The following PDZRN3 variants were observed in gnomAD, a reference collection of about 807,000 sequenced individuals.
The protein encoded by PDZRN3 is E3 ubiquitin-protein ligase PDZRN3.
In PDZRN3, 38 loss-of-function variants were observed where a neutral mutation model predicts 85.7. The ratio of observed to expected loss-of-function variants is 0.44; its 90% CI spans 0.34 to 0.58. The LOEUF is 0.58. Ranked by LOEUF, PDZRN3 falls within the 20% of genes least tolerant of loss-of-function variation. The probability of loss-of-function intolerance (pLI) is 0.01; values close to 1 mark genes in which losing one functional copy is unlikely to be tolerated. For missense variants in PDZRN3, 1,629 were observed against 1,506.4 expected, an observed-to-expected ratio of 1.08 and a Z score of -1.35; for synonymous variants, 759 against 638.0, an observed-to-expected ratio of 1.19 and a Z score of -2.86.
At chr3:73,592,639 G>A (rs1309992748) in intron 3 of PDZRN3, among the ~76,000 whole-genome samples, 2 of 152,124 alleles carry the variant, frequency 1.3e-5, no homozygotes, top group Non-Finnish European at 2.9e-5. Flanking sequence ...GAGCACTGTG[G>A]CACTTGGCAT....
At chr3:73,562,999 ATATATATATATATAT>A (rs1186572904) in intron 3 of PDZRN3, among the ~76,000 whole-genome samples, 2 of 32,684 alleles carry the variant, frequency 6.1e-5, no homozygotes, top group African/African-American at 2.6e-4. Flanking sequence ...ATATATATAT[ATATATATATATATAT>A]TTTTTTTTTT....
At chr3:73,510,369 A>G (rs1559715471) in intron 3 of PDZRN3, among the ~76,000 whole-genome samples, 1 of 152,238 alleles carries the variant, frequency 6.6e-6, no homozygotes, top group Non-Finnish European at 1.5e-5. Flanking sequence ...GAGAAGAAAC[A>G]CTAGCACATA....
chr3:73,431,519 T>C (rs143394855), intron 3 of PDZRN3, among the ~76,000 whole-genome samples: 21 of 152,332 alleles, frequency 1.4e-4, no homozygotes, highest in African/African-American at 5.1e-4. Flanking sequence ...TTCTCTGCCC[T>C]AATAAGGCTT....
At chr3:73,486,862 T>C (rs1162518699) in intron 3 of PDZRN3, among the ~76,000 whole-genome samples, 2 of 152,230 alleles carry the variant, frequency 1.3e-5, no homozygotes, top group Admixed American at 6.5e-5. Context: ...AAACTGATTA[T>C]TTGGAAAGGA....
Position 73,533,606 on chromosome 3 carries a change from C to T in PDZRN3, c.918+68748G>A, listed in dbSNP as rs80170687. On this transcript the variant is annotated intron_variant, in intron 3 of 9. Transcript: ENST00000263666. ...TAGGGGATTATGTTGGGAACGTATCCCATATAAGAAACAGATTATCCACCA... is the reference window on the plus strand; with the variant it reads ...TAGGGGATTATGTTGGGAACGTATCTCATATAAGAAACAGATTATCCACCA... Among the ~76,000 whole-genome samples, 135 of 151,812 alleles carry T rather than the reference C, an allele frequency of 8.9e-4. 1 individual carries two copies. The East Asian group carries it at 0.019, about 22-fold the overall frequency.
In PDZRN3 at chr3:73,624,908, C is replaced by T; in HGVS notation, c.-83G>A. 1.9e-6 allele frequency: 2 copies of T among 1,058,180 alleles called. No homozygotes were observed. Among genetic ancestry groups the T allele is most frequent in the Non-Finnish European group, 2.4e-6 (2 of 828,896 alleles). The allele number at this position is 1,058,180 out of a possible 1,614,324, so 65.5% of individuals were successfully genotyped here. ...CGAGGCGGCCCAGACAGGCCGGCTA[C>T]GCCGCCCGCGCGCTCGCTGGCTCTC... is the stretch of plus-strand genomic sequence containing the variant. On this transcript the variant is annotated 5_prime_UTR_variant, in exon 1 of 10. Coordinates refer to ENST00000263666, the MANE Select transcript of PDZRN3 (RefSeq NM_015009.3).
chr3:73,388,787 TTG>T (rs1253515390), intron 7 of PDZRN3, among the ~76,000 whole-genome samples: 1 of 151,852 alleles, frequency 6.6e-6, no homozygotes, highest in African/African-American at 2.4e-5. Flanking sequence ...GTTGGAGTGA[TTG>T]CCCTCAATTA....
rs747107048 is a variant in PDZRN3 at position 73,404,321 on chromosome 3, T to C, written c.993A>G (p.Ile331Met). The C allele has an allele frequency of 1.2e-5, 19 of 1,614,202 alleles. No individual in the cohort carries two copies. In the South Asian group the frequency reaches 1.9e-4, roughly 16 times the overall value. The change falls in exon 4 of 10, where the codon ATA becomes ATG. Residue 331 changes from isoleucine to methionine, a missense_variant. By Grantham distance (10) the Ile-to-Met change is conservative (BLOSUM62 1). Coordinates refer to ENST00000263666, the MANE Select transcript of PDZRN3 (RefSeq NM_015009.3). ...VEAFKTAKEP[I>M]VVQVLRRTPR... The stretch of plus-strand genomic sequence containing the variant: ...GTGTTCTTCTCAACACCTGCACCAC[T>C]ATGGGCTCCTTGGCTGTCTTGAAAG...
At chr3:73,511,582 G>A (rs115308654) in intron 3 of PDZRN3, among the ~76,000 whole-genome samples, 431 of 152,298 alleles carry the variant, frequency 2.8e-3, no homozygotes, top group African/African-American at 8.5e-3. Context: ...ATCCCAACCC[G>A]GAGCCAATGA....
At chr3:73,600,522 T>A (rs1015361290) in intron 3 of PDZRN3, among the ~76,000 whole-genome samples, 2 of 152,172 alleles carry the variant, frequency 1.3e-5, no homozygotes, top group Admixed American at 6.5e-5. Flanking sequence ...ATTATACATA[T>A]ATCGTTTCTC....
intron 3 of PDZRN3, among the ~76,000 whole-genome samples, chr3:73,472,749 C>T (rs1331530121): frequency 3.3e-5 from 5 of 152,152 alleles, no homozygotes; most frequent in Non-Finnish European, 5.9e-5. Context: ...TTAATGATTA[C>T]ATCATGGCTG....
chr3:73,419,241 A>C (rs1045706741), intron 3 of PDZRN3, among the ~76,000 whole-genome samples: 4 of 152,216 alleles, frequency 2.6e-5, no homozygotes, highest in African/African-American at 9.6e-5. Flanking sequence ...AGGGGAGTTC[A>C]TGTACATGAC....
intron 3 of PDZRN3, among the ~76,000 whole-genome samples, chr3:73,448,427 C>T (rs1473355675): frequency 1.1e-4 from 16 of 152,142 alleles, no homozygotes. Flanking sequence ...ATGCTGAACC[C>T]TAGTTCCATC....
chr3:73,471,004 A>C (rs940014645), intron 3 of PDZRN3, among the ~76,000 whole-genome samples: 3 of 152,154 alleles, frequency 2.0e-5, no homozygotes, highest in Non-Finnish European at 4.4e-5. Flanking sequence ...TCCACCCCCG[A>C]CTGACTCAAA....
intron 3 of PDZRN3, among the ~76,000 whole-genome samples, chr3:73,559,688 A>C (rs939348834): frequency 1.1e-4 from 16 of 152,246 alleles, no homozygotes; most frequent in Admixed American, 7.2e-4. Context: ...CTTTTAAAAT[A>C]AGTTTACACT....
At chr3:73,405,740 C>T (rs1202653739) in intron 3 of PDZRN3, among the ~76,000 whole-genome samples, 1 of 152,140 alleles carries the variant, frequency 6.6e-6, no homozygotes, top group Non-Finnish European at 1.5e-5. Flanking sequence ...AACACTGAAC[C>T]ACAGCCTTTT....
intron 3 of PDZRN3, among the ~76,000 whole-genome samples, chr3:73,588,920 T>A (rs1702315281): frequency 6.6e-6 from 1 of 152,228 alleles, no homozygotes; most frequent in African/African-American, 2.4e-5. Flanking sequence ...CTTCACTGAC[T>A]ATCCCTCACT....
At chr3:73,444,876 C>A (rs968765679) in intron 3 of PDZRN3, among the ~76,000 whole-genome samples, 1 of 152,142 alleles carries the variant, frequency 6.6e-6, no homozygotes, top group East Asian at 1.9e-4. Context: ...CAGAGCCACA[C>A]GTGAGGAAAC....
At chr3:73,540,347 C>A (rs553816835) in intron 3 of PDZRN3, among the ~76,000 whole-genome samples, 54 of 152,076 alleles carry the variant, frequency 3.6e-4, no homozygotes, top group Non-Finnish European at 6.5e-4. Flanking sequence ...AAAACAAAAC[C>A]AAAAAACATG....
Sources: allele counts gnomAD v4.1 joint callset (sites outside exome capture counted in the v4.1 genomes callset), GRCh38; gene constraint gnomAD v4.1.1; transcripts MANE v1.5; gene names NCBI Gene and HGNC (gene_info 2026-07-23, HGNC 2026-07-21).